The following PRKCH variants were observed in gnomAD, a reference collection of about 807,000 sequenced individuals.
The protein encoded by PRKCH is protein kinase C eta type.
Under a neutral mutation model 82.5 loss-of-function variants are expected in PRKCH, and 28 were observed. That is an observed-to-expected ratio of 0.34 (90% CI 0.25 to 0.47). The LOEUF is 0.47. Ranked by LOEUF, PRKCH falls within the 20% of genes least tolerant of loss-of-function variation. The probability of loss-of-function intolerance (pLI) is 1.00; values close to 1 mark genes in which losing one functional copy is unlikely to be tolerated. For synonymous variants in PRKCH, 322 were observed against 327.4 expected (o/e 0.98, Z 0.18); for missense variants, 705 against 881.8 (o/e 0.80, Z 2.54).
intron 9 of PRKCH, among the ~76,000 whole-genome samples, chr14:61,474,378 T>A (rs1885635811): frequency 6.6e-6 from 1 of 152,232 alleles, no homozygotes; most frequent in Admixed American, 6.5e-5. Context: ...CCACCTCTTT[T>A]AATTTAGCCT....
rs566627511 is a variant in PRKCH at position 61,198,344 on chromosome 14, C to T, written c.-19+10676C>T. On this transcript the variant is annotated intron_variant, in intron 1 of 3. Coordinates refer to the PRKCH transcript ENST00000555185. ...GCCTAATTACTGGAAGCTCCCCAAA[C>T]ATGACCGGTTCTTCCATCCTCCATG... Among the ~76,000 whole-genome samples the T allele has an allele frequency of 1.3e-3, 200 of 152,328 alleles. 2 individuals are homozygous for T. The highest frequency in any genetic ancestry group is 4.6e-3 in the African/African-American group (193 of 41,570).
intron 1 of PRKCH, among the ~76,000 whole-genome samples, chr14:61,203,342 C>T (rs1252235480): frequency 6.6e-6 from 1 of 152,056 alleles, no homozygotes; most frequent in Non-Finnish European, 1.5e-5. Flanking sequence ...ACGTTAGGTC[C>T]CCAGTGGTCT....
chr14:61,459,188 T>C (rs572106663), intron 9 of PRKCH, among the ~76,000 whole-genome samples: 1 of 152,278 alleles, frequency 6.6e-6, no homozygotes, highest in East Asian at 1.9e-4. Context: ...AAAGGCATTC[T>C]GGGAGAGTGA....
chr14:61,432,446 A>G (rs982317898), intron 2 of PRKCH, among the ~76,000 whole-genome samples: 2 of 152,192 alleles, frequency 1.3e-5, no homozygotes, highest in South Asian at 4.1e-4. Context: ...GTAGTGAACA[A>G]TCTCAGTTTT....
chr14:61,524,636 A>AT (rs906239433), intron 10 of PRKCH, among the ~76,000 whole-genome samples: 2 of 152,204 alleles, frequency 1.3e-5, no homozygotes, highest in African/African-American at 4.8e-5. Flanking sequence ...CTTTAAAAAA[A>AT]ATAAAGGCAT....
At chr14:61,424,627 C>T (rs751402074) in intron 2 of PRKCH, among the ~76,000 whole-genome samples, 6 of 152,194 alleles carry the variant, frequency 3.9e-5, no homozygotes, top group Non-Finnish European at 8.8e-5. Flanking sequence ...GGAAAATTTG[C>T]AGTCTGACAA....
At chr14:61,509,030 T>C (rs1347713377) in intron 10 of PRKCH, among the ~76,000 whole-genome samples, 1 of 152,094 alleles carries the variant, frequency 6.6e-6, no homozygotes, top group Non-Finnish European at 1.5e-5. Flanking sequence ...TTCAGATTCC[T>C]GTAATGCATT....
chr14:61,442,813 C>T, intron 2 of PRKCH: 1 of 214,086 alleles, frequency 4.7e-6, no homozygotes, highest in African/African-American at 2.3e-5. Context: ...TGGTGCATGC[C>T]TGTAGTCCCA....
At chr14:61,539,044 T>C (rs1029051081) in intron 12 of PRKCH, among the ~76,000 whole-genome samples, 12 of 152,202 alleles carry the variant, frequency 7.9e-5, no homozygotes, top group Admixed American at 4.6e-4. Flanking sequence ...TTGGAAGTCA[T>C]TGGAGAGCAT....
chr14:61,225,396 G>A (rs1334084386), intron 1 of PRKCH, among the ~76,000 whole-genome samples: 1 of 152,172 alleles, frequency 6.6e-6, no homozygotes, highest in Non-Finnish European at 1.5e-5. Flanking sequence ...ATGACAGTGT[G>A]AGGCCTGGGC....
At chr14:61,346,255 C>G (rs1432455413) in intron 1 of PRKCH, among the ~76,000 whole-genome samples, 4 of 152,126 alleles carry the variant, frequency 2.6e-5, no homozygotes, top group African/African-American at 9.7e-5. Context: ...TTTGATTGAT[C>G]TCCTTTTGGA....
intron 10 of PRKCH, among the ~76,000 whole-genome samples, chr14:61,500,186 G>T (rs1886842831): frequency 6.6e-6 from 1 of 151,572 alleles, no homozygotes; most frequent in African/African-American, 2.4e-5. Context: ...TATAGCTCAT[G>T]TTACTTCTTT....
At chr14:61,214,941 G>C (rs531286866) in intron 1 of PRKCH, among the ~76,000 whole-genome samples, 3 of 152,164 alleles carry the variant, frequency 2.0e-5, no homozygotes, top group Non-Finnish European at 4.4e-5. Context: ...AAAGAGAAAG[G>C]AAAGCATTTA....
chr14:61,279,981 G>C, intron 1 of PRKCH: 7 of 937,712 alleles, frequency 7.5e-6, no homozygotes, highest in Non-Finnish European at 9.5e-6. Context: ...CATTCACAAA[G>C]GGAGGAAAAG....
At chr14:61,303,122 A>G (rs2045460552) in intron 1 of PRKCH, 1 of 151,582 alleles carries the variant, frequency 6.6e-6, no homozygotes, top group Non-Finnish European at 1.5e-5. Flanking sequence ...AGTTCAAACA[A>G]TCCTCCTGCC....
intron 1 of PRKCH, among the ~76,000 whole-genome samples, chr14:61,338,022 A>T (rs1033469867): frequency 2.6e-5 from 4 of 152,102 alleles, no homozygotes; most frequent in African/African-American, 9.7e-5. Context: ...TGTCATGCAC[A>T]TCCTGTACCT....
intron 2 of PRKCH, among the ~76,000 whole-genome samples, chr14:61,417,090 T>A (rs1882598237): frequency 6.6e-6 from 1 of 152,194 alleles, no homozygotes. Context: ...AAATTCTGTC[T>A]TCTCTCTCCA....
chr14:61,294,222 G>A (rs1236554894), intron 1 of PRKCH, among the ~76,000 whole-genome samples: 1 of 151,956 alleles, frequency 6.6e-6, no homozygotes, highest in Non-Finnish European at 1.5e-5. Flanking sequence ...CTGGGTTCAC[G>A]CCATTCTCCT....
At chr14:61,274,572 A>T (rs1218601335) in intron 1 of PRKCH, among the ~76,000 whole-genome samples, 1 of 152,236 alleles carries the variant, frequency 6.6e-6, no homozygotes, top group Non-Finnish European at 1.5e-5. Context: ...TTTGGGATAT[A>T]GAAGCAACAG....
Sources: gnomAD v4.1 joint callset for allele counts (sites outside exome capture counted in the v4.1 genomes callset) on GRCh38, gnomAD v4.1.1 for gene constraint, MANE v1.5 for transcripts, NCBI Gene and HGNC (gene_info 2026-07-23, HGNC 2026-07-21) for gene names.